The following EYS variants were observed in gnomAD, a reference collection of about 807,000 sequenced individuals.
The protein encoded by EYS is EGF-like photoreceptor maintenance factor.
In EYS, 250 loss-of-function variants were observed where a neutral mutation model predicts 282.1. The ratio of observed to expected loss-of-function variants is 0.89; its 90% confidence interval spans 0.80 to 0.98. The LOEUF (loss-of-function observed/expected upper bound fraction) is 0.98. Among genes scored for constraint, EYS ranks in the 50% least tolerant of loss-of-function variants. The probability of loss-of-function intolerance (pLI) is 0.00; values close to 1 mark genes in which losing one functional copy is unlikely to be tolerated. For missense variants in EYS, 4,016 were observed against 3,709.0 expected (o/e 1.08, Z -2.15); for synonymous variants, 1,355 against 1,282.9 (o/e 1.06, Z -1.20).
intron 5 of EYS, among the ~76,000 whole-genome samples, chr6:65,452,947 T>G (rs1047218259): frequency 5.3e-5 from 8 of 151,966 alleles, no homozygotes; most frequent in Middle Eastern, 3.2e-3. Context: ...AAGAAAGACA[T>G]GAAGGACATT....
At chr6:63,817,827 G>C (rs983253741) in intron 36 of EYS, among the ~76,000 whole-genome samples, 3 of 152,148 alleles carry the variant, frequency 2.0e-5, no homozygotes, top group African/African-American at 7.2e-5. Flanking sequence ...TCTTTATCTG[G>C]TGTGGTGATG....
chr6:65,291,535 A>T (rs1384846574), intron 12 of EYS, among the ~76,000 whole-genome samples: 3 of 151,542 alleles, frequency 2.0e-5, no homozygotes, highest in Non-Finnish European at 4.4e-5. Context: ...GTGTTATTTT[A>T]AAAAAAGGAG....
chr6:64,193,173 T>C (rs1765169204), intron 31 of EYS, among the ~76,000 whole-genome samples: 1 of 152,196 alleles, frequency 6.6e-6, no homozygotes, highest in African/African-American at 2.4e-5. Flanking sequence ...ATTGAAGTAA[T>C]TTTGATTGGA....
At chr6:65,015,870 TA>T (rs776971479) in intron 13 of EYS, among the ~76,000 whole-genome samples, 1,597 of 51,946 alleles carry the variant, frequency 0.031, 41 homozygotes, top group African/African-American at 0.12. Flanking sequence ...TCGTCTCTAC[TA>T]AAAAAAAAAA....
intron 12 of EYS, among the ~76,000 whole-genome samples, chr6:65,107,988 G>C (rs1212136528): frequency 2.0e-5 from 3 of 151,940 alleles, no homozygotes; most frequent in African/African-American, 7.3e-5. Flanking sequence ...GTAAGATGAT[G>C]TTATATTCTT....
At chr6:64,431,363 T>C (rs767828751) in intron 28 of EYS, among the ~76,000 whole-genome samples, 2 of 152,192 alleles carry the variant, frequency 1.3e-5, no homozygotes, top group African/African-American at 2.4e-5. Context: ...ACCTCTGTAA[T>C]GACTCTGTAG....
intron 41 of EYS, among the ~76,000 whole-genome samples, chr6:63,739,664 A>C (rs1416182654): frequency 6.6e-6 from 1 of 152,066 alleles, no homozygotes; most frequent in Non-Finnish European, 1.5e-5. Context: ...TGACCTTGCT[A>C]CTATTTTACT....
At chr6:64,793,680 T>C (rs767746720) in intron 22 of EYS, among the ~76,000 whole-genome samples, 22 of 152,342 alleles carry the variant, frequency 1.4e-4, no homozygotes, top group Non-Finnish European at 2.6e-4. Flanking sequence ...AATATCATTG[T>C]TCATAGTTGA....
At chr6:64,308,172 CA>C (rs1769530155) in intron 29 of EYS, among the ~76,000 whole-genome samples, 3 of 151,928 alleles carry the variant, frequency 2.0e-5, no homozygotes. Context: ...CCAAAGCTAA[CA>C]AAGTAATCTA....
chr6:63,898,330 T>G (rs1275731447), intron 35 of EYS, among the ~76,000 whole-genome samples: 1 of 151,328 alleles, frequency 6.6e-6, no homozygotes, highest in East Asian at 1.9e-4. Context: ...CTACGAAAAA[T>G]ACAAAAAAAA....
chr6:64,287,224 A>G (rs1254327438), intron 30 of EYS, among the ~76,000 whole-genome samples: 6 of 152,132 alleles, frequency 3.9e-5, no homozygotes, highest in African/African-American at 1.4e-4. Flanking sequence ...GCCAAAAAAG[A>G]CAGTATGTAA....
At chr6:64,404,890 A>G (rs1329504115) in intron 28 of EYS, among the ~76,000 whole-genome samples, 3 of 152,222 alleles carry the variant, frequency 2.0e-5, no homozygotes, top group African/African-American at 7.2e-5. Context: ...GAATTGATGC[A>G]GAATCATACC....
chr6:65,410,581 T>C (rs1007793792), intron 5 of EYS, among the ~76,000 whole-genome samples: 63 of 150,352 alleles, frequency 4.2e-4, no homozygotes, highest in African/African-American at 1.5e-3. Flanking sequence ...ACCACTGTCC[T>C]ACTTCTATGA....
chr6:64,966,189 A>T (rs1770089004), intron 14 of EYS, among the ~76,000 whole-genome samples: 1 of 152,166 alleles, frequency 6.6e-6, no homozygotes, highest in Non-Finnish European at 1.5e-5. Flanking sequence ...TTTATTATTT[A>T]TATAGATAAG....
chr6:65,257,039 C>T (rs1160705068), intron 12 of EYS, among the ~76,000 whole-genome samples: 1 of 51,574 alleles, frequency 1.9e-5, no homozygotes. Context: ...AGCATTTTTT[C>T]ATGTGTTTTT....
At chr6:63,848,894 A>C (rs1772170175) in intron 36 of EYS, among the ~76,000 whole-genome samples, 1 of 152,172 alleles carries the variant, frequency 6.6e-6, no homozygotes, top group East Asian at 1.9e-4. Flanking sequence ...TGCTCAGCGG[A>C]TCCCACCTCC....
At chr6:64,262,912 T>A (rs542868045) in intron 30 of EYS, among the ~76,000 whole-genome samples, 4 of 152,156 alleles carry the variant, frequency 2.6e-5, no homozygotes, top group Admixed American at 1.3e-4. Flanking sequence ...TTTTAATGTC[T>A]TTATTCTTCA....
chr6:64,996,194 A>G (rs896387430), intron 14 of EYS, among the ~76,000 whole-genome samples: 6 of 152,174 alleles, frequency 3.9e-5, no homozygotes, highest in African/African-American at 1.4e-4. Context: ...GGTTCAGTCA[A>G]GAGTTCAACA....
chr6:64,736,795 A>C (rs904559067), intron 22 of EYS, among the ~76,000 whole-genome samples: 8 of 152,338 alleles, frequency 5.3e-5, no homozygotes, highest in Middle Eastern at 6.8e-3. Flanking sequence ...CGAGTGAGCA[A>C]AATCAGATAA....
Sources: allele counts gnomAD v4.1 joint callset (sites outside exome capture counted in the v4.1 genomes callset), GRCh38; gene constraint gnomAD v4.1.1; transcripts MANE v1.5; gene names NCBI Gene and HGNC (gene_info 2026-07-23, HGNC 2026-07-21).